The following PRMT8 variants were observed in gnomAD, a reference collection of about 807,000 sequenced individuals.
The protein encoded by PRMT8 is protein arginine methyltransferase 8.
Under a neutral mutation model 47.1 loss-of-function variants are expected in PRMT8, and 7 were observed. That is an observed-to-expected ratio of 0.15 (90% confidence interval 0.08 to 0.28). The LOEUF is 0.28. Among genes scored for constraint, PRMT8 ranks in the 10% least tolerant of loss-of-function variants. The pLI, the probability that PRMT8 is intolerant of heterozygous loss-of-function variation, is 1.00. For missense variants in PRMT8, 237 were observed against 505.4 expected, an observed-to-expected ratio of 0.47 and a Z score of 5.09; for synonymous variants, 188 against 186.5, an observed-to-expected ratio of 1.01 and a Z score of -0.07.
chr12:3,455,080 G>A (rs1480851724), intron 1 of PRMT8, among the ~76,000 whole-genome samples: 1 of 152,112 alleles, frequency 6.6e-6, no homozygotes, highest in Non-Finnish European at 1.5e-5. Context: ...CAGAAATCCT[G>A]GGGGAGATGG....
At chr12:3,528,329 C>T (rs944397805) in intron 1 of PRMT8, among the ~76,000 whole-genome samples, 2 of 151,972 alleles carry the variant, frequency 1.3e-5, no homozygotes, top group African/African-American at 4.8e-5. Flanking sequence ...CAATGATATT[C>T]TGTTTAACTT....
rs935544676 is a variant in PRMT8, at chr12:3,456,964, C to T, written c.48+75522C>T. Among the ~76,000 whole-genome samples, 3 of 152,190 alleles carry T rather than the reference C, an allele frequency of 2.0e-5. No individual in the cohort carries two copies. Among genetic ancestry groups the T allele is most frequent in the Admixed American group, 2.0e-4 (3 of 15,284 alleles). On this transcript the variant is annotated intron_variant, in intron 1 of 9. Coordinates refer to the PRMT8 transcript ENST00000452611. The surrounding 1 kb of genome is among the most constrained non-coding windows in gnomAD (Gnocchi z 4.2). ...GGGGTGGGGGCTCTGGCCTCGCTGACCTCGCCTGCCATGGCAACTGTAAGG... is the reference window on the plus strand; with the variant it reads ...GGGGTGGGGGCTCTGGCCTCGCTGATCTCGCCTGCCATGGCAACTGTAAGG...
At chr12:3,562,767 G>A (rs925435920) in intron 4 of PRMT8, among the ~76,000 whole-genome samples, 1 of 152,328 alleles carries the variant, frequency 6.6e-6, no homozygotes, top group Non-Finnish European at 1.5e-5. Context: ...AGACCTAAAG[G>A]TGAAGATGGG....
chr12:3,414,527 A>T (rs1360423344), intron 1 of PRMT8, among the ~76,000 whole-genome samples: 2 of 152,202 alleles, frequency 1.3e-5, no homozygotes, highest in African/African-American at 4.8e-5. Flanking sequence ...AGTGAATGGA[A>T]TGATGGGACT....
In PRMT8 at chr12:3,387,863, C is replaced by T. The variant is rs143586286; in HGVS notation, c.48+6421C>T. 8.9e-3 allele frequency among the ~76,000 whole-genome samples: 1,348 copies of T among 152,238 alleles called. 16 individuals are homozygous for T. The highest frequency in any genetic ancestry group is 0.03 in the African/African-American group (1,244 of 41,526). The stretch of plus-strand genomic sequence containing the variant: ...ATTACATGCAGACATTATGACTTAG[C>T]TCCTAAATATTCCAGCATACATCAC... On this transcript the variant is annotated intron_variant, in intron 1 of 9. Transcript: ENST00000452611.
chr12:3,394,379 C>A (rs913552364), intron 1 of PRMT8, among the ~76,000 whole-genome samples: 1 of 151,940 alleles, frequency 6.6e-6, no homozygotes, highest in South Asian at 2.1e-4. Flanking sequence ...TTTTGAAATA[C>A]GTCCCATCAA....
At chr12:3,410,082 T>C (rs1466608776) in intron 1 of PRMT8, among the ~76,000 whole-genome samples, 1 of 152,188 alleles carries the variant, frequency 6.6e-6, no homozygotes, top group African/African-American at 2.4e-5. Context: ...AGACTCTTTT[T>C]TTTCTGGAAG....
intron 1 of PRMT8, among the ~76,000 whole-genome samples, chr12:3,428,604 G>A (rs926263123): frequency 1.3e-5 from 2 of 151,726 alleles, no homozygotes; most frequent in South Asian, 2.1e-4. Flanking sequence ...TCAATTATAC[G>A]TTTTAAATTT....
rs1866680787 is a variant in PRMT8 at position 3,564,161 on chromosome 12, G to C, written c.482-4545G>C. 6.6e-6 allele frequency among the ~76,000 whole-genome samples: 1 copy of C among 152,174 alleles called. No individual in the cohort carries two copies. The highest frequency in any genetic ancestry group is 2.4e-5 in the African/African-American group (1 of 41,432). ...TGTATGAGCAAGGACCAAGGGAGTGGGGAGGGCGAGCGAAGGGCTTTGCTG... is the reference window on the plus strand; with the variant it reads ...TGTATGAGCAAGGACCAAGGGAGTGCGGAGGGCGAGCGAAGGGCTTTGCTG... On this transcript the variant is annotated intron_variant, in intron 4 of 9. Coordinates refer to ENST00000382622, the MANE Select transcript of PRMT8 (RefSeq NM_019854.5). The surrounding 1 kb of genome is among the most constrained non-coding windows in gnomAD (Gnocchi z 4.0).
chr12:3,515,063 A>T (rs2137134107), intron 1 of PRMT8, among the ~76,000 whole-genome samples: 1 of 152,370 alleles, frequency 6.6e-6, no homozygotes, highest in Admixed American at 6.5e-5. Context: ...CTAAGGATAT[A>T]CTAATGTCTC....
chr12:3,452,071 C>T (rs1864924278), intron 1 of PRMT8, among the ~76,000 whole-genome samples: 1 of 152,162 alleles, frequency 6.6e-6, no homozygotes, highest in African/African-American at 2.4e-5. Flanking sequence ...TTCCAGACAG[C>T]TGAGCTGAGA....
chr12:3,438,130 C>T (rs1939649570), intron 1 of PRMT8, among the ~76,000 whole-genome samples: 1 of 152,138 alleles, frequency 6.6e-6, no homozygotes, highest in African/African-American at 2.4e-5. Flanking sequence ...GAGCCTCCTG[C>T]TTCTGCTCTG....
intron 1 of PRMT8, among the ~76,000 whole-genome samples, chr12:3,482,238 AAAAAAG>A (rs1424376292): frequency 6.6e-6 from 1 of 152,222 alleles, no homozygotes; most frequent in Non-Finnish European, 1.5e-5. Flanking sequence ...GATTGGTTTT[AAAAAAG>A]AAGGCGAAAG....
chr12:3,460,515 A>G (rs987760427), intron 1 of PRMT8, among the ~76,000 whole-genome samples: 13 of 152,314 alleles, frequency 8.5e-5, no homozygotes, highest in Admixed American at 7.8e-4. Context: ...GGCTGTTCAT[A>G]GGCAATGATG....
chr12:3,400,167 G>A (rs1591538851), intron 1 of PRMT8, among the ~76,000 whole-genome samples: 1 of 151,936 alleles, frequency 6.6e-6, no homozygotes, highest in Non-Finnish European at 1.5e-5. Context: ...GATCAGAGCT[G>A]AACTGAAGGA....
At chr12:3,584,718 A>G (rs1860451) in intron 8 of PRMT8, among the ~76,000 whole-genome samples, 57,639 of 152,138 alleles carry the variant, frequency 0.38, 11,019 homozygotes, top group Admixed American at 0.46. Flanking sequence ...AAGCACATGC[A>G]TATCCATAGA....
At chr12:3,562,994 G>A (rs995575192) in intron 4 of PRMT8, among the ~76,000 whole-genome samples, 6 of 152,120 alleles carry the variant, frequency 3.9e-5, no homozygotes, top group African/African-American at 1.4e-4. Flanking sequence ...CCCAGTACCA[G>A]TGCCTTCTTG....
intron 1 of PRMT8, among the ~76,000 whole-genome samples, chr12:3,395,571 G>C (rs1864240829): frequency 1.3e-5 from 2 of 151,422 alleles, no homozygotes; most frequent in African/African-American, 4.8e-5. Context: ...ACTGTGGTCT[G>C]AGAGATAGTT....
chr12:3,420,241 T>G (rs1356659255), intron 1 of PRMT8, among the ~76,000 whole-genome samples: 1 of 152,072 alleles, frequency 6.6e-6, no homozygotes, highest in East Asian at 1.9e-4. Context: ...CCTGATTTGG[T>G]GACCAAAGCA....
Sources: gnomAD v4.1 joint callset for allele counts (sites outside exome capture counted in the v4.1 genomes callset) on GRCh38, gnomAD v4.1.1 for gene constraint, Gnocchi (gnomAD v3.1) non-coding constraint, MANE v1.5 for transcripts, NCBI Gene and HGNC (gene_info 2026-07-23, HGNC 2026-07-21) for gene names.